The following TBC1D5 variants were observed in gnomAD, a reference collection of about 807,000 sequenced individuals.
The protein encoded by TBC1D5 is TBC1 domain family member 5, also known as TBC1 domain family, member 5.
TBC1D5 carries 75 observed loss-of-function variants against 100.3 expected under a neutral mutation model. That is an observed-to-expected ratio of 0.75 (90% CI 0.62 to 0.91). The LOEUF (loss-of-function observed/expected upper bound fraction) is 0.91, where lower values mean the gene tolerates loss of function less well. Among genes scored for constraint, TBC1D5 ranks in the 40% least tolerant of loss-of-function variants. The probability of loss-of-function intolerance (pLI) is 0.00; values close to 1 mark genes in which losing one functional copy is unlikely to be tolerated. For missense variants in TBC1D5, 910 were observed against 942.4 expected (o/e 0.97, Z 0.45); for synonymous variants, 323 against 325.6 (o/e 0.99, Z 0.09).
At chr3:17,687,199 G>T (rs1214605113) in intron 1 of TBC1D5, among the ~76,000 whole-genome samples, 1 of 151,694 alleles carries the variant, frequency 6.6e-6, no homozygotes, top group East Asian at 1.9e-4. Context: ...ACCTTTCTTA[G>T]AATCAATATT....
intron 19 of TBC1D5, among the ~76,000 whole-genome samples, chr3:17,170,862 C>G (rs1014244063): frequency 3.3e-5 from 5 of 151,928 alleles, no homozygotes; most frequent in Admixed American, 6.5e-5. Context: ...GGCATTTGCT[C>G]AGAAAAAAAT....
intron 1 of TBC1D5, chr3:17,700,150 G>C (rs1438789106): frequency 1.5e-5 from 2 of 137,492 alleles, no homozygotes; most frequent in Non-Finnish European, 3.2e-5. Flanking sequence ...CTTGAAAAAT[G>C]ACAGACAAAA....
At chr3:17,222,522 A>C (rs2074399865) in intron 17 of TBC1D5, among the ~76,000 whole-genome samples, 1 of 152,160 alleles carries the variant, frequency 6.6e-6, no homozygotes, top group Non-Finnish European at 1.5e-5. Flanking sequence ...GGCTGAGAAT[A>C]AGATACTAGT....
chr3:17,574,447 C>T (rs2153516327), intron 2 of TBC1D5, among the ~76,000 whole-genome samples: 1 of 152,158 alleles, frequency 6.6e-6, no homozygotes, highest in East Asian at 1.9e-4. Context: ...ACTGCTTTAC[C>T]AAGTAGCACT....
intron 3 of TBC1D5, among the ~76,000 whole-genome samples, chr3:17,471,797 G>C (rs1165967788): frequency 6.6e-6 from 1 of 151,450 alleles, no homozygotes; most frequent in East Asian, 1.9e-4. Flanking sequence ...TTCAACCTGA[G>C]GAAAATGATT....
intron 3 of TBC1D5, among the ~76,000 whole-genome samples, chr3:17,457,672 G>A (rs1279303115): frequency 6.6e-6 from 1 of 151,590 alleles, no homozygotes; most frequent in Non-Finnish European, 1.5e-5. Flanking sequence ...TTGTGTTTTG[G>A]TTCTAATTGC....
At chr3:17,348,723 T>C (rs1040531071) in intron 13 of TBC1D5, among the ~76,000 whole-genome samples, 1 of 152,164 alleles carries the variant, frequency 6.6e-6, no homozygotes, top group Admixed American at 6.6e-5. Context: ...GTGGAGTATA[T>C]GACCCATTCC....
chr3:17,308,056 G>A (rs755527524), exon 14 of TBC1D5: 70 of 1,610,240 alleles, frequency 4.3e-5, no homozygotes, highest in East Asian at 6.7e-5. Context: ...GGCTGAGGCC[G>A]TCTGCAAACA....
chr3:17,521,398 C>A (rs1383854944), intron 2 of TBC1D5, among the ~76,000 whole-genome samples: 1 of 152,138 alleles, frequency 6.6e-6, no homozygotes, highest in Non-Finnish European at 1.5e-5. Flanking sequence ...TTAGGATATT[C>A]TTAATAACAT....
intron 13 of TBC1D5, among the ~76,000 whole-genome samples, chr3:17,314,185 CTCTT>C (rs1305662612): frequency 1.3e-5 from 2 of 152,178 alleles, no homozygotes; most frequent in Admixed American, 1.3e-4. Flanking sequence ...TGGTTTCTCT[CTCTT>C]CTCCAGCAGG....
At chr3:17,198,006 C>T (rs2070944981) in intron 18 of TBC1D5, among the ~76,000 whole-genome samples, 1 of 152,136 alleles carries the variant, frequency 6.6e-6, no homozygotes, top group African/African-American at 2.4e-5. Context: ...CACTGCACTC[C>T]AGCCTGGGTG....
At chr3:17,280,676 G>A (rs968844263) in intron 15 of TBC1D5, among the ~76,000 whole-genome samples, 3 of 152,118 alleles carry the variant, frequency 2.0e-5, no homozygotes, top group African/African-American at 7.2e-5. Flanking sequence ...TTCCCACTGA[G>A]AGCCACTTTC....
At chr3:17,637,201 T>A (rs2064036342) in intron 1 of TBC1D5, among the ~76,000 whole-genome samples, 1 of 138,384 alleles carries the variant, frequency 7.2e-6, no homozygotes, top group South Asian at 2.4e-4. Context: ...TTTTTTTTTT[T>A]TTTTTTTTTT....
chr3:17,422,916 T>A (rs1219829677), intron 4 of TBC1D5, among the ~76,000 whole-genome samples: 2 of 152,216 alleles, frequency 1.3e-5, no homozygotes, highest in African/African-American at 4.8e-5. Flanking sequence ...GCTTGAAGCC[T>A]AATTTTTCAA....
intron 3 of TBC1D5, among the ~76,000 whole-genome samples, chr3:17,495,137 A>C (rs1427287381): frequency 6.6e-6 from 1 of 152,180 alleles, no homozygotes; most frequent in East Asian, 1.9e-4. Context: ...CCTCTGTTGA[A>C]GATTCAGGAT....
chr3:17,324,159 C>A (rs750362436), intron 13 of TBC1D5, among the ~76,000 whole-genome samples: 1 of 152,078 alleles, frequency 6.6e-6, no homozygotes, highest in Non-Finnish European at 1.5e-5. Flanking sequence ...ACATGACATA[C>A]AAAAATTAAC....
chr3:17,218,028 T>C (rs9858820), intron 17 of TBC1D5, among the ~76,000 whole-genome samples: 5,936 of 152,148 alleles, frequency 0.039, 193 homozygotes, highest in East Asian at 0.18. Context: ...TTAATTTTTG[T>C]ATACAGCGTG....
chr3:17,308,587 CG>C (rs1482068632), intron 13 of TBC1D5, among the ~76,000 whole-genome samples: 7 of 152,056 alleles, frequency 4.6e-5, no homozygotes, highest in African/African-American at 1.7e-4. Context: ...TAGAAAACTG[CG>C]TTCTCACATC....
intron 4 of TBC1D5, among the ~76,000 whole-genome samples, chr3:17,416,185 T>G (rs998314157): frequency 2.0e-5 from 3 of 152,194 alleles, no homozygotes; most frequent in Non-Finnish European, 4.4e-5. Flanking sequence ...ATATTTTAAC[T>G]GAATCCATCG....
Sources: allele counts gnomAD v4.1 joint callset (sites outside exome capture counted in the v4.1 genomes callset), GRCh38; gene constraint gnomAD v4.1.1; transcripts MANE v1.5; gene names NCBI Gene and HGNC (gene_info 2026-07-23, HGNC 2026-07-21).